Variants in ALMS1 observed in about 807,000 individuals in gnomAD.
The protein encoded by ALMS1 is ALMS1 centrosome and basal body associated protein.
A neutral mutation model predicts 352.2 loss-of-function variants in ALMS1; 271 were observed. That is an observed-to-expected ratio of 0.77 (90% CI 0.70 to 0.85). ALMS1 has a LOEUF of 0.85. ALMS1 is among the 40% of genes least tolerant of loss of function. The pLI, the probability that ALMS1 is intolerant of heterozygous loss-of-function variation, is 0.00. For missense variants in ALMS1, 5,445 were observed against 4,870.7 expected, an observed-to-expected ratio of 1.12 and a Z score of -3.51; for synonymous variants, 1,865 against 1,761.2, an observed-to-expected ratio of 1.06 and a Z score of -1.48.
chr2:73,599,817 T>G (rs1675635016), intron 17 of ALMS1, among the ~76,000 whole-genome samples: 1 of 152,248 alleles, frequency 6.6e-6, no homozygotes, highest in Non-Finnish European at 1.5e-5. Context: ...TTTTGAAATG[T>G]CTGCTATAGA....
In ALMS1 at chr2:73,573,256, T is replaced by C. The variant is rs377090880; in HGVS notation, c.11379T>C (p.Ala3793=). The change falls in exon 16 of 23, where the codon GCT becomes GCC. Residue 3793 remains alanine, a synonymous_variant. Coordinates refer to ENST00000613296, the MANE Select transcript of ALMS1 (RefSeq NM_001378454.1). ...STIDTARLIQ[A]FGHERVCLSP... Reference sequence around the variant, plus strand: ...TTGACACTGCCCGGCTGATTCAAGCTTTTGGCCATGAAAGAGTATGCTTGT... The same window carrying C: ...TTGACACTGCCCGGCTGATTCAAGCCTTTGGCCATGAAAGAGTATGCTTGT... 2.2e-5 allele frequency: 35 copies of C among 1,613,740 alleles called. No individual in the cohort carries two copies. In the African/African-American group the frequency reaches 4.0e-4, roughly 18 times the overall value.
At chr2:73,599,674 T>G (rs976094016) in intron 17 of ALMS1, among the ~76,000 whole-genome samples, 153 bp downstream of exon 17, 3 of 152,218 alleles carry the variant, frequency 2.0e-5, no homozygotes, top group Admixed American at 6.5e-5. Context: ...AAATTCAAGT[T>G]TGATGGCAAG....
intron 10 of ALMS1, among the ~76,000 whole-genome samples, chr2:73,516,202 C>T (rs756629563): frequency 3.9e-5 from 6 of 152,160 alleles, no homozygotes; most frequent in Non-Finnish European, 8.8e-5. Context: ...AAATGTTCCA[C>T]ATTACTAATC....
chr2:73,572,589 C>G lies in ALMS1; in HGVS notation c.10712C>G (p.Pro3571Arg). The G allele has an allele frequency of 6.2e-7, 1 of 1,613,736 alleles. No homozygotes were observed. The highest frequency in any genetic ancestry group is 8.5e-7 in the Non-Finnish European group (1 of 1,179,950). Residue 3571 changes from proline to arginine, a missense_variant, in exon 16 of 23, where the codon CCA (proline) becomes CGA (arginine). By Grantham distance (103) the Pro-to-Arg change is moderately radical. Transcript: ENST00000613296. The part of the protein sequence containing the change: ...DTTKSQVRDY[P>R]KHNGQISDPQ... ...ACTAAAAGTCAAGTTAGAGATTATC[C>G]AAAACATAATGGACAAATTAGTGAT...
At chr2:73,590,475 TAAC>T (rs768325129) in intron 16 of ALMS1, among the ~76,000 whole-genome samples, 11 of 152,148 alleles carry the variant, frequency 7.2e-5, no homozygotes, top group South Asian at 2.1e-4. Context: ...AAATTGAACT[TAAC>T]AACTATAATT....
Position 73,559,020 on chromosome 2 carries a change from C to G in ALMS1, c.10262C>G (p.Pro3421Arg). The G allele has an allele frequency of 6.2e-7, 1 of 1,613,952 alleles. No individual in the cohort carries two copies. Among genetic ancestry groups the G allele is most frequent in the East Asian group, 2.2e-5 (1 of 44,860 alleles). The change falls in exon 15 of 23, where the codon CCA becomes CGA. Residue 3421 changes from proline (P) to arginine (R), a missense_variant. Physicochemically the swap from Pro to Arg is moderately radical, Grantham distance 103. Coordinates refer to ENST00000613296, the MANE Select transcript of ALMS1 (RefSeq NM_001378454.1). ...GAGCACTCAGCTCAAGTAGGAGACCCAGAAATGAAGAACTTGCCAGACACT... is the reference window on the plus strand; with the variant it reads ...GAGCACTCAGCTCAAGTAGGAGACCGAGAAATGAAGAACTTGCCAGACACT... The part of the protein sequence containing the change: ...AAEHSAQVGD[P>R]EMKNLPDTKA...
At chr2:73,564,108 A>G (rs79799178) in intron 15 of ALMS1, among the ~76,000 whole-genome samples, 20,219 of 151,616 alleles carry the variant, frequency 0.13, 1,564 homozygotes, top group Admixed American at 0.18. Flanking sequence ...TAAAAAAAAA[A>G]CCCTTTCCAA....
chr2:73,422,982 G>A lies in ALMS1; in HGVS notation c.764+8G>A. On this transcript the variant is annotated splice_region_variant and intron_variant, in intron 4 of 22. Transcript: ENST00000613296. Reference sequence around the variant, plus strand: ...AAGTTTTGCACCTCTGAGGTAGGATGATTTATTTGCATGTAACCTTTCTCA... The same window carrying A: ...AAGTTTTGCACCTCTGAGGTAGGATAATTTATTTGCATGTAACCTTTCTCA... The A allele has an allele frequency of 6.3e-7, 1 of 1,589,190 alleles. No homozygotes were observed.
chr2:73,594,497 A>T (rs930795929), intron 16 of ALMS1, among the ~76,000 whole-genome samples: 5 of 152,166 alleles, frequency 3.3e-5, no homozygotes, highest in Admixed American at 3.3e-4. Flanking sequence ...TGTTCACAGA[A>T]CCTCAGACTT....
intron 9 of ALMS1, among the ~76,000 whole-genome samples, chr2:73,469,247 C>T (rs1032049622): frequency 4.6e-5 from 7 of 151,190 alleles, no homozygotes; most frequent in African/African-American, 1.7e-4. Flanking sequence ...AACCAAACTA[C>T]GAAAGTAGTA....
intron 9 of ALMS1, among the ~76,000 whole-genome samples, chr2:73,468,677 C>G (rs1443308914): frequency 6.6e-6 from 1 of 151,850 alleles, no homozygotes; most frequent in African/African-American, 2.4e-5. Context: ...TTCACTTAGC[C>G]TCATGTGGTT....
Position 73,449,578 on chromosome 2 carries a change from G to A in ALMS1, c.3051G>A (p.Trp1017Ter), listed in dbSNP as rs1671883598. 2 of 1,613,974 alleles carry A rather than the reference G, an allele frequency of 1.2e-6. No homozygotes were observed. The highest frequency in any genetic ancestry group is 1.7e-6 in the Non-Finnish European group (2 of 1,179,952). ...EKPSIFYQQE[W>*]PDSYATEKAL... Reference sequence around the variant, plus strand: ...CCAGTATTTTCTATCAACAGGAGTGGCCAGATAGTTATGCAACTGAAAAGG... The same window carrying A: ...CCAGTATTTTCTATCAACAGGAGTGACCAGATAGTTATGCAACTGAAAAGG... Residue 1017 changes from tryptophan to a stop codon, truncating the protein, a stop_gained, in exon 8 of 23, where the codon TGG (tryptophan) becomes TGA (stop). Coordinates refer to ENST00000613296, the MANE Select transcript of ALMS1 (RefSeq NM_001378454.1). LOFTEE classifies it high-confidence loss of function.
rs570940132 is a variant in ALMS1 at position 73,461,910 on chromosome 2, G to A, written c.7674+6615G>A. Among the ~76,000 whole-genome samples the A allele has an allele frequency of 2.4e-4, 36 of 152,160 alleles. No individual in the cohort carries two copies. In the East Asian group the frequency reaches 6.6e-3, roughly 28 times the overall value. Reference sequence around the variant, plus strand: ...CGAGAAGGGAAGTTTAGAGAAAAAAGAATAAAAAGAAACGAACAAAGCCTC... The same window carrying A: ...CGAGAAGGGAAGTTTAGAGAAAAAAAAATAAAAAGAAACGAACAAAGCCTC... On this transcript the variant is annotated intron_variant, in intron 9 of 22. Transcript: ENST00000613296.
chr2:73,386,231 T>C (rs1475855038), intron 1 of ALMS1, 39 bp downstream of exon 1: 2 of 1,475,444 alleles, frequency 1.4e-6, no homozygotes, highest in Non-Finnish European at 9.0e-7. Flanking sequence ...CCGCGGCGAG[T>C]TGGGGGTGGA....
chr2:73,456,611 C>G (rs955023612), intron 9 of ALMS1, among the ~76,000 whole-genome samples: 2 of 152,178 alleles, frequency 1.3e-5, no homozygotes, highest in Admixed American at 6.5e-5. Flanking sequence ...CTGATTCATA[C>G]AAAGTTTCTT....
Position 73,453,630 on chromosome 2 carries a change from G to A in ALMS1, c.7103G>A (p.Ser2368Asn), listed in dbSNP as rs781640600. 20 of 1,614,058 alleles carry A rather than the reference G, an allele frequency of 1.2e-5. No individual in the cohort carries two copies. Among genetic ancestry groups the A allele is most frequent in the Non-Finnish European group, 1.7e-5 (20 of 1,180,012 alleles). Residue 2368 changes from serine (S) to asparagine (N), a missense_variant, in exon 8 of 23, where the codon AGC becomes AAC. Transcript: ENST00000613296. Reference protein sequence around the residue: ...TVRSPLQEAESKVSMALEETL... With the variant: ...TVRSPLQEAENKVSMALEETL... ...AGAAGTCCTCTACAGGAAGCAGAGAGCAAAGTCAGTATGGCATTAGAAGAA... is the reference window on the plus strand; with the variant it reads ...AGAAGTCCTCTACAGGAAGCAGAGAACAAAGTCAGTATGGCATTAGAAGAA...
chr2:73,518,203 T>G (rs944976028), intron 10 of ALMS1, among the ~76,000 whole-genome samples: 1 of 151,692 alleles, frequency 6.6e-6, no homozygotes, highest in African/African-American at 2.4e-5. Context: ...CACTTATAAA[T>G]GTGAGGATGC....
At chr2:73,412,773 G>A (rs1206864604) in intron 2 of ALMS1, among the ~76,000 whole-genome samples, 11 of 152,248 alleles carry the variant, frequency 7.2e-5, no homozygotes, top group South Asian at 2.1e-4. Context: ...TCTGGCCTGG[G>A]TGACAGAATG....
chr2:73,456,129 C>T (rs1672054880), intron 9 of ALMS1, among the ~76,000 whole-genome samples: 1 of 152,078 alleles, frequency 6.6e-6, no homozygotes, highest in African/African-American at 2.4e-5. Context: ...TTACCAAATA[C>T]TGTTGAAGTT....
Sources: allele counts gnomAD v4.1 joint callset (sites outside exome capture counted in the v4.1 genomes callset), GRCh38; gene constraint gnomAD v4.1.1; transcripts MANE v1.5; gene names NCBI Gene and HGNC (gene_info 2026-07-23, HGNC 2026-07-21).